The following ZMIZ1 variants were observed in gnomAD, a reference collection of about 807,000 sequenced individuals.
ZMIZ1 encodes zinc finger MIZ-type containing 1.
In ZMIZ1, 17 loss-of-function variants were observed where a neutral mutation model predicts 113.9. The observed-to-expected ratio is 0.15, with a 90% confidence interval of 0.10 to 0.22. The LOEUF (loss-of-function observed/expected upper bound fraction) is 0.22. ZMIZ1 is among the 10% of genes least tolerant of loss of function. ZMIZ1 has a pLI of 1.00. For synonymous variants in ZMIZ1, 607 were observed against 603.1 expected, an observed-to-expected ratio of 1.01 and a Z score of -0.09; for missense variants, 1,059 against 1,477.8, an observed-to-expected ratio of 0.72 and a Z score of 4.65.
At chr10:79,131,526 T>C (rs950054228) in intron 2 of ZMIZ1, among the ~76,000 whole-genome samples, 2 of 152,228 alleles carry the variant, frequency 1.3e-5, no homozygotes, top group Non-Finnish European at 2.9e-5. Flanking sequence ...GAGTTTTTCC[T>C]GTCCTAATGA....
At chr10:79,284,323 G>A (rs1209992254) in intron 8 of ZMIZ1, among the ~76,000 whole-genome samples, 1 of 152,226 alleles carries the variant, frequency 6.6e-6, no homozygotes, top group East Asian at 1.9e-4. Flanking sequence ...CTGCTTAGGA[G>A]GGTCCTTAAA....
At chr10:79,080,540 C>T (rs1339540025) in intron 1 of ZMIZ1, among the ~76,000 whole-genome samples, 3 of 152,078 alleles carry the variant, frequency 2.0e-5, no homozygotes, top group African/African-American at 7.2e-5. Context: ...AACTCCTGAC[C>T]TCAGGTGATC....
chr10:79,268,984 C>T (rs971559943), intron 7 of ZMIZ1, among the ~76,000 whole-genome samples: 8 of 152,056 alleles, frequency 5.3e-5, no homozygotes, highest in Non-Finnish European at 1.2e-4. Context: ...TGGTGACCAG[C>T]GGGTGGGACA....
intron 4 of ZMIZ1, among the ~76,000 whole-genome samples, chr10:79,175,656 G>C (rs1846826715): frequency 6.8e-6 from 1 of 147,378 alleles, no homozygotes; most frequent in African/African-American, 2.6e-5. Flanking sequence ...CCGCATGTAT[G>C]TGTCCCTCCC....
rs527536571 is a variant in ZMIZ1 at position 79,263,013 on chromosome 10, A to G, written c.281-14168A>G. Among the ~76,000 whole-genome samples the G allele has an allele frequency of 2.6e-5, 4 of 152,376 alleles. No individual in the cohort carries two copies. In the East Asian group the frequency reaches 5.8e-4, roughly 22 times the overall value. On this transcript the variant is annotated intron_variant, in intron 7 of 24. Coordinates refer to ENST00000334512, the MANE Select transcript of ZMIZ1 (RefSeq NM_020338.4). ...GCCAGCCGTCAGCTGCTTCTGCTGGATGAATGGATAAGAGGGAAAACCCTA... is the reference window on the plus strand; with the variant it reads ...GCCAGCCGTCAGCTGCTTCTGCTGGGTGAATGGATAAGAGGGAAAACCCTA...
Position 79,118,232 on chromosome 10 carries a change from G to A in ZMIZ1, c.-336-683G>A, listed in dbSNP as rs375664326. On this transcript the variant is annotated intron_variant, in intron 1 of 24. Coordinates refer to ENST00000334512, the MANE Select transcript of ZMIZ1 (RefSeq NM_020338.4). This position sits in a 1 kb window ranked among gnomAD's most constrained non-coding sequence, Gnocchi z 4.1. ...CTAGAATCGAATAGAGGAAGGGATG[G>A]GGGGAGGCCTCCTGACTTCAGTCAG... 6.6e-6 allele frequency among the ~76,000 whole-genome samples: 1 copy of A among 152,172 alleles called. No individual in the cohort carries two copies. The highest frequency in any genetic ancestry group is 2.4e-5 in the African/African-American group (1 of 41,452).
At chr10:79,105,767 T>A (rs2132276616) in intron 1 of ZMIZ1, among the ~76,000 whole-genome samples, 1 of 152,350 alleles carries the variant, frequency 6.6e-6, no homozygotes, top group Non-Finnish European at 1.5e-5. Context: ...AAAGTTCTTT[T>A]AAAAATAAAA....
intron 2 of ZMIZ1, among the ~76,000 whole-genome samples, chr10:79,132,277 G>C (rs1346138051): frequency 6.6e-6 from 1 of 152,174 alleles, no homozygotes; most frequent in Non-Finnish European, 1.5e-5. Context: ...TCCAAGTCCT[G>C]AGTGCAGCAG....
Position 79,313,527 on chromosome 10 carries a change from G to C in ZMIZ1, c.*778G>C, listed in dbSNP as rs1855342807. On this transcript the variant is annotated 3_prime_UTR_variant, in exon 25 of 25. Transcript: ENST00000334512. The stretch of plus-strand genomic sequence containing the variant: ...GAGGCTCCACCTCCAAGCTCAGACA[G>C]GGCCCAGGCTTGGGGAACAGAGAGA... 6.2e-6 allele frequency: 1 copy of C among 161,772 alleles called. No homozygotes were observed. Among genetic ancestry groups the C allele is most frequent in the Non-Finnish European group, 1.3e-5 (1 of 74,526 alleles). 10.0% of individuals were successfully genotyped at this position (161,772 alleles called of 1,614,324 possible).
At chr10:79,079,686 T>C (rs959230100) in intron 1 of ZMIZ1, among the ~76,000 whole-genome samples, 2 of 152,228 alleles carry the variant, frequency 1.3e-5, no homozygotes, top group African/African-American at 4.8e-5. Context: ...GGCATGGCCT[T>C]CTGCAGCAGC....
intron 3 of ZMIZ1, among the ~76,000 whole-genome samples, chr10:79,146,782 C>T (rs1384765586): frequency 6.6e-6 from 1 of 152,214 alleles, no homozygotes; most frequent in Non-Finnish European, 1.5e-5. Context: ...CTGGGCTTCC[C>T]ACCCAGCAAA....
intron 8 of ZMIZ1, among the ~76,000 whole-genome samples, chr10:79,284,145 C>G (rs1028475853): frequency 2.0e-5 from 3 of 152,250 alleles, no homozygotes; most frequent in African/African-American, 4.8e-5. Context: ...GGAATCATCA[C>G]TGCCTTATCC....
intron 8 of ZMIZ1, among the ~76,000 whole-genome samples, chr10:79,279,089 A>G (rs1273501280): frequency 2.1e-5 from 3 of 143,912 alleles, no homozygotes; most frequent in South Asian, 2.3e-4. Flanking sequence ...AGGACGGGGC[A>G]GCTGGCCGGA....
chr10:79,180,990 A>G (rs1425096202), intron 4 of ZMIZ1, among the ~76,000 whole-genome samples: 1 of 152,232 alleles, frequency 6.6e-6, no homozygotes, highest in Non-Finnish European at 1.5e-5. Context: ...CTGATGGGGA[A>G]ACAGAGGCTG....
chr10:79,308,255 C>T (rs1003136459), intron 23 of ZMIZ1, among the ~76,000 whole-genome samples: 23 of 152,312 alleles, frequency 1.5e-4, no homozygotes, highest in African/African-American at 5.3e-4. Context: ...GAGCTGTGCT[C>T]TGCGCAGGCC....
intron 7 of ZMIZ1, among the ~76,000 whole-genome samples, chr10:79,240,116 G>A (rs887827084): frequency 2.6e-5 from 4 of 152,284 alleles, no homozygotes; most frequent in East Asian, 3.9e-4. Flanking sequence ...TGATCCTCGC[G>A]TCAGGCCTCC....
chr10:79,267,872 G>A (rs1223327975), intron 7 of ZMIZ1, among the ~76,000 whole-genome samples: 1 of 152,102 alleles, frequency 6.6e-6, no homozygotes, highest in Non-Finnish European at 1.5e-5. Flanking sequence ...AGGAGTCCAG[G>A]CCCGTGTTGA....
intron 6 of ZMIZ1, among the ~76,000 whole-genome samples, chr10:79,215,649 G>T (rs1848693879): frequency 6.6e-6 from 1 of 152,110 alleles, no homozygotes; most frequent in Admixed American, 6.6e-5. Context: ...GGCAGGGCTG[G>T]GCCTAAGAGT....
At chr10:79,086,326 C>T (rs530645520) in intron 1 of ZMIZ1, among the ~76,000 whole-genome samples, 67 of 152,290 alleles carry the variant, frequency 4.4e-4, no homozygotes, top group East Asian at 2.1e-3. Flanking sequence ...CTCCTCCTCC[C>T]GGTACCAGCT....
Sources: allele counts gnomAD v4.1 joint callset (sites outside exome capture counted in the v4.1 genomes callset), GRCh38; gene constraint gnomAD v4.1.1; non-coding constraint Gnocchi (gnomAD v3.1); transcripts MANE v1.5; gene names NCBI Gene and HGNC (gene_info 2026-07-23, HGNC 2026-07-21).